CNTNAP5: variants seen among roughly 807,000 people sequenced by gnomAD.
The protein encoded by CNTNAP5 is contactin-associated protein-like 5.
A neutral mutation model predicts 150.2 loss-of-function variants in CNTNAP5; 72 were observed. The ratio of observed to expected loss-of-function variants is 0.48; its 90% confidence interval spans 0.40 to 0.58. The LOEUF (loss-of-function observed/expected upper bound fraction) is 0.58. Among genes scored for constraint, CNTNAP5 ranks in the 20% least tolerant of loss-of-function variants. The pLI is 0.00. For synonymous variants in CNTNAP5, 672 were observed against 619.8 expected (o/e 1.08, Z -1.25); for missense variants, 1,636 against 1,626.2 (o/e 1.01, Z -0.10).
At chr2:124,746,623 C>T in intron 13 of CNTNAP5, among the ~76,000 whole-genome samples, 1 of 152,158 alleles carries the variant, frequency 6.6e-6, no homozygotes, top group Admixed American at 6.5e-5. Flanking sequence ...GGGAGGCCAT[C>T]AGAACCAGCC....
At chr2:124,274,656 A>C (rs926865850) in intron 3 of CNTNAP5, among the ~76,000 whole-genome samples, 2 of 152,330 alleles carry the variant, frequency 1.3e-5, no homozygotes, top group South Asian at 2.1e-4. Context: ...GACTTAATTC[A>C]TAAGTATGTC....
chr2:124,901,609 C>T (rs2104758356), intron 21 of CNTNAP5, among the ~76,000 whole-genome samples: 1 of 152,226 alleles, frequency 6.6e-6, no homozygotes, highest in South Asian at 2.1e-4. Context: ...TGATTTTTAG[C>T]CCAATGAGAT....
intron 4 of CNTNAP5, among the ~76,000 whole-genome samples, chr2:124,432,023 T>C (rs1252980775): frequency 6.6e-6 from 1 of 152,152 alleles, no homozygotes; most frequent in Admixed American, 6.5e-5. Context: ...TGCTCAGTGC[T>C]GGTGCTGGCT....
At chr2:124,770,982 A>T (rs929881418) in intron 16 of CNTNAP5, among the ~76,000 whole-genome samples, 1 of 152,202 alleles carries the variant, frequency 6.6e-6, no homozygotes, top group African/African-American at 2.4e-5. Context: ...TAAGCTCTTA[A>T]ATCCCATTCT....
intron 13 of CNTNAP5, among the ~76,000 whole-genome samples, chr2:124,659,405 G>A (rs1041803602): frequency 5.3e-5 from 8 of 152,144 alleles, no homozygotes; most frequent in African/African-American, 1.9e-4. Context: ...GAAAGAGACA[G>A]TGGAAATGTT....
intron 19 of CNTNAP5, among the ~76,000 whole-genome samples, chr2:124,827,908 C>T (rs779592530): frequency 9.2e-5 from 14 of 152,134 alleles, no homozygotes. Flanking sequence ...CTCTTCGTAT[C>T]CTAGAAACTC....
intron 11 of CNTNAP5, among the ~76,000 whole-genome samples, chr2:124,569,273 A>T (rs1055605101): frequency 6.6e-6 from 1 of 152,116 alleles, no homozygotes; most frequent in Non-Finnish European, 1.5e-5. Context: ...GTTTACTACA[A>T]CTTGTAAAAC....
chr2:124,227,811 G>A (rs1686502065), intron 2 of CNTNAP5, among the ~76,000 whole-genome samples: 1 of 151,720 alleles, frequency 6.6e-6, no homozygotes, highest in Non-Finnish European at 1.5e-5. Context: ...GAATAAAATT[G>A]CTAGGTAGAT....
intron 23 of CNTNAP5, among the ~76,000 whole-genome samples, 160 bp from the exon 24 acceptor site, chr2:124,913,932 G>A (rs932557436): frequency 1.3e-5 from 2 of 152,060 alleles, no homozygotes; most frequent in Non-Finnish European, 2.9e-5. Flanking sequence ...GGGCCTTTCA[G>A]CAGGTCTTTA....
intron 19 of CNTNAP5, among the ~76,000 whole-genome samples, chr2:124,835,527 G>A (rs1012051644): frequency 1.3e-5 from 2 of 152,096 alleles, no homozygotes; most frequent in East Asian, 3.9e-4. Flanking sequence ...CTCCAGAGTG[G>A]CGACATCCAG....
chr2:124,117,532 G>A (rs1216614995), intron 1 of CNTNAP5, among the ~76,000 whole-genome samples: 2 of 152,084 alleles, frequency 1.3e-5, no homozygotes, highest in African/African-American at 2.4e-5. Flanking sequence ...GTTAGGTTGG[G>A]AAACGAAGGA....
At chr2:124,713,321 T>TTC (rs1558746960) in intron 13 of CNTNAP5, among the ~76,000 whole-genome samples, 1 of 36,246 alleles carries the variant, frequency 2.8e-5, no homozygotes, top group East Asian at 2.2e-3. Context: ...TTTCTTTCCT[T>TTC]TCTTTCTTTC....
At chr2:124,730,768 T>C (rs1463401632) in intron 13 of CNTNAP5, among the ~76,000 whole-genome samples, 1 of 152,076 alleles carries the variant, frequency 6.6e-6, no homozygotes, top group Non-Finnish European at 1.5e-5. Context: ...CTTTGTGGGG[T>C]ATTATGGAAT....
At chr2:124,585,557 G>A (rs560639263) in intron 11 of CNTNAP5, among the ~76,000 whole-genome samples, 2 of 152,000 alleles carry the variant, frequency 1.3e-5, no homozygotes, top group East Asian at 3.9e-4. Context: ...TACAGGGAGG[G>A]GAAGAAAAAA....
intron 1 of CNTNAP5, among the ~76,000 whole-genome samples, chr2:124,056,971 G>T (rs1681866849): frequency 6.6e-6 from 1 of 152,040 alleles, no homozygotes; most frequent in Admixed American, 6.5e-5. Flanking sequence ...TTCAGTTGTT[G>T]TTTGTTTCCT....
chr2:124,491,184 A>G (rs1694015589), intron 7 of CNTNAP5, among the ~76,000 whole-genome samples: 1 of 152,094 alleles, frequency 6.6e-6, no homozygotes. Context: ...CTTATAATTG[A>G]AAGTTTGTAC....
intron 19 of CNTNAP5, among the ~76,000 whole-genome samples, chr2:124,844,158 T>C (rs1157868325): frequency 6.6e-6 from 1 of 152,150 alleles, no homozygotes; most frequent in East Asian, 1.9e-4. Flanking sequence ...TAGATTTAAG[T>C]CTTTGATCCA....
intron 3 of CNTNAP5, among the ~76,000 whole-genome samples, chr2:124,321,205 G>T (rs1034279677): frequency 5.9e-5 from 9 of 152,134 alleles, no homozygotes; most frequent in African/African-American, 2.2e-4. Flanking sequence ...ACTTTGAGAG[G>T]CCGAGGCAGG....
At chr2:124,090,042 AATTGACC>A (rs1468623888) in intron 1 of CNTNAP5, among the ~76,000 whole-genome samples, 1 of 152,230 alleles carries the variant, frequency 6.6e-6, no homozygotes, top group East Asian at 1.9e-4. Context: ...CTGGCACCAG[AATTGACC>A]ATTATATCAT....
Sources: allele counts gnomAD v4.1 joint callset (sites outside exome capture counted in the v4.1 genomes callset), GRCh38; gene constraint gnomAD v4.1.1; transcripts MANE v1.5; gene names NCBI Gene and HGNC (gene_info 2026-07-23, HGNC 2026-07-21).